The following PPARGC1A variants were observed in gnomAD, a reference collection of about 807,000 sequenced individuals.
PPARGC1A encodes the protein peroxisome proliferator-activated receptor gamma coactivator 1-alpha.
PPARGC1A carries 25 observed loss-of-function variants against 88.7 expected under a neutral mutation model. That is an observed-to-expected ratio of 0.28 (90% confidence interval 0.21 to 0.39). The LOEUF is 0.39. Among genes scored for constraint, PPARGC1A ranks in the 10% least tolerant of loss-of-function variants. The pLI is 1.00. For missense variants in PPARGC1A, 880 were observed against 968.7 expected, an observed-to-expected ratio of 0.91 and a Z score of 1.22; for synonymous variants, 363 against 355.6, an observed-to-expected ratio of 1.02 and a Z score of -0.24.
the PPARGC1A span, among the ~76,000 whole-genome samples, chr4:24,333,385 A>G: frequency 1.3e-5 from 2 of 152,210 alleles, no homozygotes; most frequent in African/African-American, 4.8e-5. Flanking sequence ...TCTGAGTTTC[A>G]TGATTCATTC....
the PPARGC1A span, among the ~76,000 whole-genome samples, chr4:24,443,336 T>C: frequency 2.0e-5 from 3 of 150,952 alleles, no homozygotes; most frequent in African/African-American, 7.3e-5. Context: ...CAGTGACCAG[T>C]GAAAGCCCAG....
chr4:24,220,153 C>G, the PPARGC1A span, among the ~76,000 whole-genome samples: 1 of 152,092 alleles, frequency 6.6e-6, no homozygotes, highest in Admixed American at 6.6e-5. Flanking sequence ...CAGGGAGATG[C>G]AAATCAAAAC....
chr4:24,053,690 C>T, the PPARGC1A span, among the ~76,000 whole-genome samples: 1 of 152,170 alleles, frequency 6.6e-6, no homozygotes, highest in Admixed American at 6.5e-5. Flanking sequence ...ATGCAAGATA[C>T]TTCACCTCTC....
chr4:24,055,879 C>A, the PPARGC1A span, among the ~76,000 whole-genome samples: 1 of 152,194 alleles, frequency 6.6e-6, no homozygotes, highest in South Asian at 2.1e-4. Flanking sequence ...TTCCCAAGGT[C>A]TTTTAATGAT....
the PPARGC1A span, among the ~76,000 whole-genome samples, chr4:24,470,955 G>A: frequency 6.6e-6 from 1 of 151,636 alleles, no homozygotes; most frequent in East Asian, 1.9e-4. This position sits in a 1 kb window ranked among gnomAD's most constrained non-coding sequence, Gnocchi z 5.8. Flanking sequence ...AACATTTTTC[G>A]GTTGCTTTCG....
chr4:24,373,021 CA>C, the PPARGC1A span, among the ~76,000 whole-genome samples: 1 of 152,166 alleles, frequency 6.6e-6, no homozygotes, highest in South Asian at 2.1e-4. Context: ...GACTCCCTGC[CA>C]TGAGCATCGT....
intron 12 of PPARGC1A, among the ~76,000 whole-genome samples, chr4:23,800,878 G>C (rs1718545542): frequency 6.6e-6 from 1 of 151,306 alleles, no homozygotes; most frequent in African/African-American, 2.4e-5. Context: ...TCCTAGGATA[G>C]TTCTAGTAAT....
At chr4:23,954,276 G>A in the PPARGC1A span, among the ~76,000 whole-genome samples, 11 of 152,004 alleles carry the variant, frequency 7.2e-5, no homozygotes, top group Admixed American at 7.2e-4. Flanking sequence ...TGCTAACTGT[G>A]TTGATACAGT....
chr4:24,441,430 G>A, the PPARGC1A span, among the ~76,000 whole-genome samples: 1 of 152,196 alleles, frequency 6.6e-6, no homozygotes, highest in Non-Finnish European at 1.5e-5. Flanking sequence ...CTCATTCTCA[G>A]AGTCTAAGCT....
At chr4:24,430,794 A>G in the PPARGC1A span, among the ~76,000 whole-genome samples, 2 of 152,146 alleles carry the variant, frequency 1.3e-5, no homozygotes, top group Non-Finnish European at 2.9e-5. Flanking sequence ...GAGACATGGT[A>G]TGAGTCTGAA....
chr4:24,236,881 AG>A, the PPARGC1A span, among the ~76,000 whole-genome samples: 1 of 152,364 alleles, frequency 6.6e-6, no homozygotes, highest in Admixed American at 6.5e-5. Context: ...AATGGCTAAA[AG>A]GTTAGACATG....
the PPARGC1A span, among the ~76,000 whole-genome samples, chr4:23,954,348 T>C: frequency 6.6e-6 from 1 of 152,036 alleles, no homozygotes; most frequent in Non-Finnish European, 1.5e-5. Flanking sequence ...ACCAAATATA[T>C]ATTTATTTTA....
the PPARGC1A span, among the ~76,000 whole-genome samples, chr4:24,097,968 T>C: frequency 6.6e-6 from 1 of 152,232 alleles, no homozygotes; most frequent in Admixed American, 6.5e-5. Flanking sequence ...TTTGTCCCGG[T>C]CCTGTTATTG....
the PPARGC1A span, among the ~76,000 whole-genome samples, chr4:24,006,440 T>C: frequency 6.6e-6 from 1 of 152,186 alleles, no homozygotes; most frequent in East Asian, 1.9e-4. Context: ...GTGTCACTGG[T>C]GAGAGCAAGA....
the PPARGC1A span, among the ~76,000 whole-genome samples, chr4:24,185,405 A>G: frequency 6.6e-6 from 1 of 152,220 alleles, no homozygotes; most frequent in Non-Finnish European, 1.5e-5. Context: ...TTCCTAAAAG[A>G]AAAGAAAAAG....
chr4:24,296,150 G>A, the PPARGC1A span, among the ~76,000 whole-genome samples: 1 of 149,578 alleles, frequency 6.7e-6, no homozygotes. Flanking sequence ...ACACACACAC[G>A]ATAGCTTCCC....
rs374586545 is a variant in PPARGC1A at position 23,795,777 on chromosome 4, A to T, written c.*45T>A. On this transcript the variant is annotated 3_prime_UTR_variant, in exon 13 of 13. Transcript: ENST00000264867. ...TCTTTAGGGAAGGACGCGCTGTCCC[A>T]TGAGGTATTCGCCATCCCTCTGTCA... The T allele has an allele frequency of 7.0e-7, 1 of 1,437,698 alleles. No individual in the cohort carries two copies. Among genetic ancestry groups the T allele is most frequent in the Non-Finnish European group, 9.7e-7 (1 of 1,035,704 alleles). 89.1% of individuals were successfully genotyped at this position (1,437,698 alleles called of 1,614,324 possible).
the PPARGC1A span, among the ~76,000 whole-genome samples, chr4:24,455,361 G>T: frequency 2.0e-3 from 300 of 152,284 alleles, 3 homozygotes; most frequent in East Asian, 0.036. Context: ...TGCGCCTGCA[G>T]TCCTAGATAT....
At chr4:23,844,689 A>ATTATGATAGATC (rs1491337943) in intron 2 of PPARGC1A, among the ~76,000 whole-genome samples, 2 of 100,788 alleles carry the variant, frequency 2.0e-5, no homozygotes, top group African/African-American at 8.4e-5. Context: ...TATATCATAT[A>ATTATGATAGATC]ATATATGATC....
Sources: allele counts gnomAD v4.1 joint callset (sites outside exome capture counted in the v4.1 genomes callset), GRCh38; gene constraint gnomAD v4.1.1; non-coding constraint Gnocchi (gnomAD v3.1); transcripts MANE v1.5; gene names NCBI Gene and HGNC (gene_info 2026-07-23, HGNC 2026-07-21).